The following TRIM55 variants were observed in gnomAD, a reference collection of about 807,000 sequenced individuals.
The protein encoded by TRIM55 is tripartite motif containing 55.
In TRIM55, 50 loss-of-function variants were observed where a neutral mutation model predicts 60.9. That is an observed-to-expected ratio of 0.82 (90% CI 0.65 to 1.04). The LOEUF is 1.04. Among genes scored for constraint, TRIM55 ranks in the 50% least tolerant of loss-of-function variants. The pLI is 0.00. For missense variants in TRIM55, 681 were observed against 666.9 expected, an observed-to-expected ratio of 1.02 and a Z score of -0.23; for synonymous variants, 237 against 238.1, an observed-to-expected ratio of 1.00 and a Z score of 0.04.
chr8:66,134,849 G>T (rs1264741966), intron 2 of TRIM55, 141 bp from the exon 3 acceptor site: 2 of 842,534 alleles, frequency 2.4e-6, no homozygotes, highest in African/African-American at 1.7e-5. Flanking sequence ...ATGTGAAAGG[G>T]CCCCTGGGGG....
chr8:66,163,210 TA>T (rs1020944822), intron 9 of TRIM55, among the ~76,000 whole-genome samples: 2 of 152,084 alleles, frequency 1.3e-5, no homozygotes, highest in African/African-American at 2.4e-5. Context: ...GTTCCATCTT[TA>T]AAAAAAACCC....
At chr8:66,115,305 AT>A in the TRIM55 span, 1 of 152,140 alleles carries the variant, frequency 6.6e-6, no homozygotes, top group East Asian at 1.9e-4. Context: ...TCGTTTTATT[AT>A]TTTCAATAGT....
intron 3 of TRIM55, among the ~76,000 whole-genome samples, chr8:66,135,612 A>G (rs1294814914): frequency 1.4e-5 from 2 of 146,542 alleles, no homozygotes; most frequent in Non-Finnish European, 3.1e-5. Context: ...AATGCCTTTT[A>G]TCCCGCACTC....
chr8:66,138,536 C>A (rs1299242048), intron 4 of TRIM55, among the ~76,000 whole-genome samples: 2 of 152,082 alleles, frequency 1.3e-5, no homozygotes, highest in East Asian at 3.9e-4. Flanking sequence ...ATTACAGGCT[C>A]CCGCCACCAT....
chr8:66,152,468 A>G lies in TRIM55; in HGVS notation c.1077A>G (p.Val359=). The G allele has an allele frequency of 6.2e-7, 1 of 1,614,182 alleles. No homozygotes were observed. The highest frequency in any genetic ancestry group is 8.5e-7 in the Non-Finnish European group (1 of 1,180,020). Residue 359 remains valine, a synonymous_variant, in exon 8 of 10, where the codon GTA becomes GTG. Coordinates refer to ENST00000315962, the MANE Select transcript of TRIM55 (RefSeq NM_184085.2). ...VGGEAVEVEE[V]ENVQTEFPGE... ...GAGAAGCAGTAGAAGTGGAAGAGGT[A>G]GAAAATGTTCAAACAGAGTTTCCAG... is the stretch of plus-strand genomic sequence containing the variant.
Position 66,152,903 on chromosome 8 carries a change from TTGTGTGTGTG to T in TRIM55, c.1236+310_1236+319del, listed in dbSNP as rs59283692. 3.4e-3 allele frequency among the ~76,000 whole-genome samples: 479 copies of T among 140,388 alleles called. 5 individuals carry two copies. Among genetic ancestry groups the T allele is most frequent in the African/African-American group, 0.012 (442 of 38,132 alleles). 92.1% of individuals were successfully genotyped at this position (140,388 alleles called of 152,430 possible). A position where few individuals can be genotyped will look rare whatever the true frequency, so the allele number is the denominator to read the frequency against. ...ATCAAAGGCAATCTTTGTCTGGAAA[TTGTGTGTGTG>T]TGTGTGTGTGTGTGTGTGTGTGTGT... On this transcript the variant is annotated intron_variant, in intron 8 of 9. Transcript: ENST00000315962.
At chr8:66,131,413 A>G (rs1053294510) in intron 2 of TRIM55, among the ~76,000 whole-genome samples, 2 of 152,298 alleles carry the variant, frequency 1.3e-5, no homozygotes, top group Non-Finnish European at 1.5e-5. Context: ...ACATGTGCAT[A>G]CTACTGGTAT....
At chr8:66,156,341 A>G (rs772279905) in intron 9 of TRIM55, among the ~76,000 whole-genome samples, 5 of 152,170 alleles carry the variant, frequency 3.3e-5, no homozygotes, top group Non-Finnish European at 5.9e-5. Context: ...ACCTGAATGA[A>G]TTAACAGCCA....
At chr8:66,124,512 C>T (rs554744771), upstream of TRIM55, among the ~76,000 whole-genome samples, 1 of 152,186 alleles carries the variant, frequency 6.6e-6, no homozygotes, top group Admixed American at 6.5e-5. Context: ...CCCCACCTAA[C>T]TACACGTCCA....
intron 4 of TRIM55, among the ~76,000 whole-genome samples, chr8:66,144,568 G>A (rs1265706969): frequency 6.6e-6 from 1 of 152,168 alleles, no homozygotes; most frequent in Admixed American, 6.5e-5. Context: ...TCACACAGGT[G>A]CACACACAGA....
chr8:66,163,219 C>A (rs551314784), intron 9 of TRIM55, among the ~76,000 whole-genome samples: 11 of 152,212 alleles, frequency 7.2e-5, no homozygotes, highest in East Asian at 1.9e-4. Context: ...TTAAAAAAAA[C>A]CCAGCTTTTG....
chr8:66,171,674 A>C (rs529213202), intron 9 of TRIM55, among the ~76,000 whole-genome samples: 1 of 152,246 alleles, frequency 6.6e-6, no homozygotes, highest in Non-Finnish European at 1.5e-5. Context: ...GTGATAAAGG[A>C]GAGACAGCAT....
At chr8:66,146,541 C>T (rs1810106122) in intron 4 of TRIM55, among the ~76,000 whole-genome samples, 2 of 152,160 alleles carry the variant, frequency 1.3e-5, no homozygotes, top group Admixed American at 1.3e-4. Context: ...CAAAGACTTT[C>T]TACCTGTATT....
the TRIM55 span, among the ~76,000 whole-genome samples, chr8:66,117,032 G>T: frequency 6.6e-6 from 1 of 151,930 alleles, no homozygotes; most frequent in Non-Finnish European, 1.5e-5. Flanking sequence ...ACAGATTAAA[G>T]AAAAAAAATC....
At chr8:66,137,330 C>T (rs1169745896) in intron 4 of TRIM55, 140 bp downstream of exon 4, 1 of 610,316 alleles carries the variant, frequency 1.6e-6, no homozygotes, top group Non-Finnish European at 2.9e-6. Flanking sequence ...TGATATGTCT[C>T]TGAAATATTC....
intron 9 of TRIM55, among the ~76,000 whole-genome samples, chr8:66,172,950 C>A (rs1478359590): frequency 6.6e-6 from 1 of 152,144 alleles, no homozygotes; most frequent in African/African-American, 2.4e-5. Flanking sequence ...ATAAGCCATA[C>A]ATGAGACTTA....
chr8:66,122,714 C>A (rs562616660), upstream of TRIM55, among the ~76,000 whole-genome samples: 1 of 152,276 alleles, frequency 6.6e-6, no homozygotes, highest in South Asian at 2.1e-4. Context: ...ATGGGAAGAT[C>A]ACACATGACT....
Position 66,128,333 on chromosome 8 carries a change from A to AGGT in TRIM55, c.199_201dup (p.Gly67dup). The AGGT allele has an allele frequency of 6.2e-7, 1 of 1,612,000 alleles. No individual in the cohort carries two copies. The highest frequency in any genetic ancestry group is 8.5e-7 in the Non-Finnish European group (1 of 1,179,056). On this transcript the variant is annotated inframe_insertion, in exon 2 of 10. Transcript: ENST00000315962. ...CTAACCCGTATTTGCCCACAAGAGG[A>AGGT]GGTACCACCATGGCATCAGGGGGCC...
rs1251850244 is a variant in TRIM55, at chr8:66,150,257, T to C, written c.860+18T>C. On this transcript the variant is annotated intron_variant, in intron 6 of 9. Coordinates refer to ENST00000315962, the MANE Select transcript of TRIM55 (RefSeq NM_184085.2). ...CTAAAAAAGTAAGAACTTTTTATTTTATGTAAAAATGCATATTTTCACCTT... is the reference window on the plus strand; with the variant it reads ...CTAAAAAAGTAAGAACTTTTTATTTCATGTAAAAATGCATATTTTCACCTT... The C allele has an allele frequency of 1.2e-6, 2 of 1,612,982 alleles. No individual in the cohort carries two copies. Among genetic ancestry groups the C allele is most frequent in the Non-Finnish European group, 1.7e-6 (2 of 1,179,324 alleles).
Sources: gnomAD v4.1 joint callset for allele counts (sites outside exome capture counted in the v4.1 genomes callset) on GRCh38, gnomAD v4.1.1 for gene constraint, MANE v1.5 for transcripts, NCBI Gene and HGNC (gene_info 2026-07-23, HGNC 2026-07-21) for gene names.